The following LRRC63 variants were observed in gnomAD, a reference collection of about 807,000 sequenced individuals.
LRRC63 encodes leucine-rich repeat-containing protein 63.
A neutral mutation model predicts 49.5 loss-of-function variants in LRRC63; 40 were observed. The observed-to-expected ratio is 0.81, with a 90% CI of 0.63 to 1.05. The LOEUF is 1.05. LRRC63 is among the 50% of genes least tolerant of loss of function. LRRC63 has a pLI of 0.00. For synonymous variants in LRRC63, 191 were observed against 221.1 expected (o/e 0.86, Z 1.21); for missense variants, 636 against 663.1 (o/e 0.96, Z 0.45).
chr13:46,212,971 C>A, intron 1 of LRRC63, 31 bp from the exon 2 acceptor site: 2 of 1,113,894 alleles, frequency 1.8e-6, no homozygotes, highest in South Asian at 2.9e-5. Flanking sequence ...CAAACATATT[C>A]AAAACCTTTT....
chr13:46,272,440 CT>C (rs201356847), intron 9 of LRRC63, among the ~76,000 whole-genome samples: 5,209 of 152,240 alleles, frequency 0.034, 130 homozygotes, highest in Admixed American at 0.064. Context: ...TAGCAACAAT[CT>C]TTTTTTAACT....
At chr13:46,269,520 C>CAA (rs75837557) in intron 9 of LRRC63, among the ~76,000 whole-genome samples, 1 of 151,558 alleles carries the variant, frequency 6.6e-6, no homozygotes, top group African/African-American at 2.4e-5. Context: ...ATCAGACACA[C>CAA]AAAAAAATCA....
At chr13:46,271,735 A>G (rs1359160073) in intron 9 of LRRC63, among the ~76,000 whole-genome samples, 1 of 151,508 alleles carries the variant, frequency 6.6e-6, no homozygotes, top group African/African-American at 2.4e-5. Context: ...AAAAAAAAAA[A>G]AACTCCAACA....
chr13:46,233,223 A>G (rs2046814378), intron 4 of LRRC63, among the ~76,000 whole-genome samples: 1 of 152,090 alleles, frequency 6.6e-6, no homozygotes, highest in Admixed American at 6.5e-5. Context: ...CTACTCAACA[A>G]CCAACTCTGT....
chr13:46,223,550 T>C (rs550007929), intron 2 of LRRC63, among the ~76,000 whole-genome samples: 1 of 151,830 alleles, frequency 6.6e-6, no homozygotes, highest in Non-Finnish European at 1.5e-5. Flanking sequence ...CCTGTGAAAT[T>C]TCTGCTAAGA....
chr13:46,227,700 T>G, exon 3 of LRRC63: 1 of 1,550,456 alleles, frequency 6.4e-7, no homozygotes, highest in East Asian at 2.4e-5. Context: ...ACCCCAGAAA[T>G]CTACTAAGCA....
At chr13:46,243,332 T>C (rs983808649) in intron 5 of LRRC63, among the ~76,000 whole-genome samples, 1 of 151,974 alleles carries the variant, frequency 6.6e-6, no homozygotes, top group African/African-American at 2.4e-5. Context: ...TCAAAACACA[T>C]TACTAGAGAA....
At chr13:46,246,832 A>G (rs753070819) in intron 6 of LRRC63, among the ~76,000 whole-genome samples, 2 of 152,146 alleles carry the variant, frequency 1.3e-5, no homozygotes, top group African/African-American at 4.8e-5. Context: ...CTCAAAGACT[A>G]TGTTATAGTG....
At chr13:46,265,316 G>A (rs1260733625) in intron 8 of LRRC63, among the ~76,000 whole-genome samples, 2 of 152,160 alleles carry the variant, frequency 1.3e-5, no homozygotes, top group Admixed American at 6.5e-5. Context: ...ACTAGCATTT[G>A]CCTAGAGTGT....
chr13:46,253,823 A>G (rs1221746929), intron 7 of LRRC63, among the ~76,000 whole-genome samples: 1 of 152,188 alleles, frequency 6.6e-6, no homozygotes, highest in Non-Finnish European at 1.5e-5. Flanking sequence ...GGTTTGAATG[A>G]AGGAAAATAA....
At chr13:46,270,285 T>A (rs2047738622) in intron 9 of LRRC63, 1 of 844,914 alleles carries the variant, frequency 1.2e-6, no homozygotes, top group East Asian at 2.4e-5. Flanking sequence ...CCCTGTCAGA[T>A]CAGTCCCAAC....
chr13:46,259,493 T>A (rs561893626), intron 7 of LRRC63, among the ~76,000 whole-genome samples: 1 of 152,346 alleles, frequency 6.6e-6, no homozygotes, highest in South Asian at 2.1e-4. Flanking sequence ...CTTACTTGTT[T>A]GACTCAATTT....
chr13:46,213,208 A>G, intron 2 of LRRC63, 89 bp downstream of exon 2: 1 of 775,294 alleles, frequency 1.3e-6, no homozygotes, highest in East Asian at 2.8e-5. Context: ...CACAATAAAT[A>G]CACTCACTAA....
At chr13:46,258,006 T>C (rs547665914) in intron 7 of LRRC63, among the ~76,000 whole-genome samples, 1 of 152,234 alleles carries the variant, frequency 6.6e-6, no homozygotes, top group East Asian at 1.9e-4. Flanking sequence ...TTTCCATTCC[T>C]AACAAGATCT....
intron 6 of LRRC63, 170 bp from the exon 7 acceptor site, chr13:46,250,185 G>T (rs2047338817): frequency 5.6e-6 from 3 of 532,720 alleles, no homozygotes; most frequent in Non-Finnish European, 9.9e-6. Flanking sequence ...ATTAATGCTG[G>T]TCACTTGTTT....
At chr13:46,212,875 G>C in intron 1 of LRRC63, 127 bp from the exon 2 acceptor site, 1 of 502,718 alleles carries the variant, frequency 2.0e-6, no homozygotes, top group Non-Finnish European at 3.5e-6. Flanking sequence ...TTTTCATAAA[G>C]GAATTCTGCC....
At chr13:46,264,420 T>TTTTATTTA (rs528766541) in intron 8 of LRRC63, among the ~76,000 whole-genome samples, 31 of 147,812 alleles carry the variant, frequency 2.1e-4, no homozygotes, top group Admixed American at 5.3e-4. Flanking sequence ...TCCTCATGGT[T>TTTTATTTA]TTTATTTATT....
At chr13:46,247,987 A>C (rs988785265) in intron 6 of LRRC63, among the ~76,000 whole-genome samples, 1 of 152,094 alleles carries the variant, frequency 6.6e-6, no homozygotes, top group Admixed American at 6.6e-5. Context: ...AATTATAGAC[A>C]AAAAAGGAAG....
Position 46,276,763 on chromosome 13 carries a change from G to A in LRRC63, c.1724G>A (p.Arg575Lys), listed in dbSNP as rs777291356. 314 of 1,219,682 alleles carry A rather than the reference G, an allele frequency of 2.6e-4. 1 individual carries two copies. The highest frequency in any genetic ancestry group is 3.9e-4 in the Admixed American group (9 of 22,940). 75.6% of individuals were successfully genotyped at this position (1,219,682 alleles called of 1,614,324 possible). Residue 575 changes from arginine (R) to lysine (K), a missense_variant, in exon 10 of 10, where the codon AGA becomes AAA. By Grantham distance (26) the Arg-to-Lys change is conservative (BLOSUM62 2). Coordinates refer to ENST00000595396, the Ensembl canonical transcript of LRRC63. ...TTTGTTTTAGATGGTAGTCCTAGTA[G>A]AAGAATAGCTCTAGATGTGGAGTTG...
Sources: allele counts gnomAD v4.1 joint callset (sites outside exome capture counted in the v4.1 genomes callset), GRCh38; gene constraint gnomAD v4.1.1; transcripts MANE v1.5; gene names NCBI Gene and HGNC (gene_info 2026-07-23, HGNC 2026-07-21).